Variants in TMEM131L observed in about 807,000 individuals in gnomAD.
The protein encoded by TMEM131L is transmembrane protein 131-like.
In TMEM131L, 54 loss-of-function variants were observed where a neutral mutation model predicts 192.2. The ratio of observed to expected loss-of-function variants is 0.28; its 90% CI spans 0.23 to 0.35. The LOEUF (loss-of-function observed/expected upper bound fraction) is 0.35, where lower values mean the gene tolerates loss of function less well. TMEM131L is among the 10% of genes least tolerant of loss of function. TMEM131L has a pLI of 1.00. For missense variants in TMEM131L, 1,888 were observed against 1,972.9 expected, an observed-to-expected ratio of 0.96 and a Z score of 0.82; for synonymous variants, 701 against 704.9, an observed-to-expected ratio of 0.99 and a Z score of 0.09.
intron 3 of TMEM131L, among the ~76,000 whole-genome samples, chr4:153,484,890 C>A (rs1383705905): frequency 2.1e-5 from 3 of 146,094 alleles, no homozygotes; most frequent in African/African-American, 7.5e-5. Flanking sequence ...GAGGCCGAGG[C>A]GGGCGGATCA....
intron 3 of TMEM131L, among the ~76,000 whole-genome samples, chr4:153,477,236 A>G (rs905506970): frequency 1.3e-5 from 2 of 152,214 alleles, no homozygotes; most frequent in African/African-American, 4.8e-5. Flanking sequence ...GGAGGGAATC[A>G]GGAACTGTGT....
intron 3 of TMEM131L, among the ~76,000 whole-genome samples, chr4:153,521,191 A>G (rs1735084709): frequency 6.6e-6 from 1 of 152,140 alleles, no homozygotes; most frequent in African/African-American, 2.4e-5. Context: ...GGATGGAGGT[A>G]ATGTGAATAA....
chr4:153,585,928 T>G (rs1730671244), intron 13 of TMEM131L, among the ~76,000 whole-genome samples: 1 of 152,130 alleles, frequency 6.6e-6, no homozygotes. Flanking sequence ...TCTAAAAAGA[T>G]TAGTAAAAAT....
intron 3 of TMEM131L, among the ~76,000 whole-genome samples, chr4:153,517,899 T>C (rs1734845793): frequency 6.6e-6 from 1 of 152,206 alleles, no homozygotes; most frequent in South Asian, 2.1e-4. Flanking sequence ...TTTAAAGCCT[T>C]TAGACTGAGT....
chr4:153,558,471 A>G (rs993199581), intron 7 of TMEM131L, 103 bp downstream of exon 7: 3 of 579,434 alleles, frequency 5.2e-6, no homozygotes, highest in African/African-American at 3.7e-5. Flanking sequence ...AAAATTATAT[A>G]GAAGTAATAT....
chr4:153,520,634 G>A (rs1395758643), intron 3 of TMEM131L, among the ~76,000 whole-genome samples: 1 of 152,170 alleles, frequency 6.6e-6, no homozygotes, highest in Non-Finnish European at 1.5e-5. Flanking sequence ...TCAGTAATTT[G>A]GGGGCAAAGT....
At chr4:153,487,719 T>TGTGTGTGTGAGAGA (rs369094307) in intron 3 of TMEM131L, among the ~76,000 whole-genome samples, 46 of 143,526 alleles carry the variant, frequency 3.2e-4, no homozygotes, top group African/African-American at 1.1e-3. Flanking sequence ...TGTGTGTGTG[T>TGTGTGTGTGAGAGA]GAGAGAGAGA....
chr4:153,601,906 T>G (rs1211887346), intron 21 of TMEM131L: 4 of 265,312 alleles, frequency 1.5e-5, no homozygotes, highest in Non-Finnish European at 2.1e-5. Context: ...TTTTTGTATC[T>G]TGGTAGAGCA....
intron 8 of TMEM131L, among the ~76,000 whole-genome samples, 162 bp downstream of exon 8, chr4:153,581,065 A>G (rs1200760681): frequency 6.6e-6 from 1 of 152,204 alleles, no homozygotes; most frequent in African/African-American, 2.4e-5. Flanking sequence ...CATCCTGGCT[A>G]ACACGGTGAA....
Position 153,622,896 on chromosome 4 carries a change from A to G in TMEM131L, c.3860-2A>G, listed in dbSNP as rs747819545. ...AAACATGACTCCTTTCACTTCCTCC[A>G]GAAGGTTACTACCAGAAGCCTGAGA... On this transcript the variant is annotated splice_acceptor_variant, in intron 28 of 34. Transcript: ENST00000409959. LOFTEE classifies it high-confidence loss of function. The G allele has an allele frequency of 3.7e-6, 6 of 1,614,120 alleles. No homozygotes were observed. The East Asian group carries it at 1.1e-4, about 30-fold the overall frequency.
rs73856904 is a variant in TMEM131L, at chr4:153,536,196, G to C, written c.240-13877G>C. On this transcript the variant is annotated intron_variant, in intron 3 of 34. Transcript: ENST00000409959. ...CTGGGGCAGACCTGGCCACTGGGGG[G>C]GTTAACAAGCTGCTGATGGGGCAGA... is the stretch of plus-strand genomic sequence containing the variant. Among the ~76,000 whole-genome samples the C allele has an allele frequency of 4.2e-3, 638 of 152,248 alleles. 5 individuals are homozygous for C. The highest frequency in any genetic ancestry group is 0.031 in the Middle Eastern group (9 of 294).
intron 3 of TMEM131L, among the ~76,000 whole-genome samples, chr4:153,526,297 T>G (rs1052683437): frequency 3.3e-5 from 5 of 152,230 alleles, no homozygotes; most frequent in Admixed American, 3.3e-4. Context: ...TCTCTTCTCC[T>G]GTCCACTACC....
chr4:153,534,966 G>T (rs1736203489), intron 3 of TMEM131L, among the ~76,000 whole-genome samples: 1 of 152,206 alleles, frequency 6.6e-6, no homozygotes, highest in Non-Finnish European at 1.5e-5. Context: ...TGAGGCCTTG[G>T]AAATGCGGAG....
intron 7 of TMEM131L, among the ~76,000 whole-genome samples, chr4:153,571,621 T>G (rs1000768343): frequency 2.0e-5 from 3 of 152,208 alleles, no homozygotes; most frequent in Admixed American, 2.0e-4. Flanking sequence ...AATGCAGTGG[T>G]GCAGTTACAG....
chr4:153,510,356 C>T (rs890606927), intron 3 of TMEM131L, among the ~76,000 whole-genome samples: 7 of 152,146 alleles, frequency 4.6e-5, no homozygotes, highest in Admixed American at 3.3e-4. Flanking sequence ...TTAATCAGTT[C>T]TAACACTGAC....
At chr4:153,587,090 T>C (rs1425421850) in intron 14 of TMEM131L, among the ~76,000 whole-genome samples, 1 of 152,208 alleles carries the variant, frequency 6.6e-6, no homozygotes, top group Admixed American at 6.5e-5. Flanking sequence ...TAACTAGCTG[T>C]AAGCGTACAG....
chr4:153,562,604 T>C (rs1207293484), intron 7 of TMEM131L, among the ~76,000 whole-genome samples: 2 of 152,136 alleles, frequency 1.3e-5, no homozygotes, highest in African/African-American at 4.8e-5. Context: ...TTGTCCAGGG[T>C]TGGGGAGTTA....
intron 3 of TMEM131L, among the ~76,000 whole-genome samples, chr4:153,522,716 T>G (rs973706812): frequency 1.3e-5 from 2 of 152,222 alleles, no homozygotes; most frequent in African/African-American, 4.8e-5. Context: ...CTTCTTGGAA[T>G]GAAAGAATGA....
chr4:153,622,619 T>G (rs4696469), intron 28 of TMEM131L, among the ~76,000 whole-genome samples: 72,553 of 152,118 alleles, frequency 0.48, 18,097 homozygotes, highest in Non-Finnish European at 0.57. Context: ...ATAAGTTATT[T>G]GTTAATTCTA....
Sources: allele counts gnomAD v4.1 joint callset (sites outside exome capture counted in the v4.1 genomes callset), GRCh38; gene constraint gnomAD v4.1.1; transcripts MANE v1.5; gene names NCBI Gene and HGNC (gene_info 2026-07-23, HGNC 2026-07-21).